The following CSMD1 variants were observed in gnomAD, a reference collection of about 807,000 sequenced individuals.
CSMD1 encodes CUB and sushi domain-containing protein 1.
Under a neutral mutation model 417.5 loss-of-function variants are expected in CSMD1, and 213 were observed. The observed-to-expected ratio is 0.51, with a 90% CI of 0.46 to 0.57. The LOEUF is 0.57. Ranked by LOEUF, CSMD1 falls within the 20% of genes least tolerant of loss-of-function variation. CSMD1 has a pLI of 0.00. For synonymous variants in CSMD1, 2,862 were observed against 1,736.8 expected, an observed-to-expected ratio of 1.65 and a Z score of -16.11; for missense variants, 6,923 against 4,529.7, an observed-to-expected ratio of 1.53 and a Z score of -15.17.
intron 50 of CSMD1, among the ~76,000 whole-genome samples, chr8:3,036,757 C>T (rs1429713073): frequency 6.6e-6 from 1 of 151,848 alleles, no homozygotes; most frequent in Non-Finnish European, 1.5e-5. Flanking sequence ...TTCAACAATC[C>T]TCTCTTAAAA....
At chr8:4,219,456 C>G (rs1349056827) in intron 3 of CSMD1, among the ~76,000 whole-genome samples, 2 of 152,192 alleles carry the variant, frequency 1.3e-5, no homozygotes, top group Non-Finnish European at 2.9e-5. Flanking sequence ...ACCCGAACCT[C>G]TCTCTTGAAC....
chr8:4,314,639 A>G (rs1296959012), intron 3 of CSMD1, among the ~76,000 whole-genome samples: 5 of 152,074 alleles, frequency 3.3e-5, no homozygotes, highest in Non-Finnish European at 7.4e-5. Context: ...AAGCAATGTA[A>G]TGTACTATTA....
chr8:4,468,876 G>C (rs1041623871), intron 2 of CSMD1, among the ~76,000 whole-genome samples: 1 of 152,130 alleles, frequency 6.6e-6, no homozygotes, highest in Middle Eastern at 3.2e-3. Flanking sequence ...CTTGAACACT[G>C]CAAGGAATTT....
chr8:4,042,855 C>T (rs980000119), intron 3 of CSMD1, among the ~76,000 whole-genome samples: 12 of 83,934 alleles, frequency 1.4e-4, no homozygotes, highest in African/African-American at 3.9e-4. Context: ...AGGCTGGGCA[C>T]GGTGGCTCAT....
At chr8:3,848,025 A>T (rs1463968014) in intron 5 of CSMD1, among the ~76,000 whole-genome samples, 2 of 151,452 alleles carry the variant, frequency 1.3e-5, no homozygotes, top group Admixed American at 1.3e-4. Flanking sequence ...CTTTCCTGAC[A>T]CATGTTTTTA....
intron 20 of CSMD1, among the ~76,000 whole-genome samples, chr8:3,362,438 A>G (rs536696210): frequency 6.6e-6 from 1 of 152,244 alleles, no homozygotes; most frequent in Admixed American, 6.5e-5. Flanking sequence ...ATACAGTTGA[A>G]TGCTCTCTTT....
intron 1 of CSMD1, among the ~76,000 whole-genome samples, chr8:4,835,028 T>C (rs74299171): frequency 1.5e-5 from 2 of 134,992 alleles, no homozygotes; most frequent in Middle Eastern, 4.3e-3. Context: ...ATCACAGTAT[T>C]GGGGGAACAA....
At chr8:4,456,831 T>G (rs1346350588) in intron 2 of CSMD1, among the ~76,000 whole-genome samples, 2 of 152,070 alleles carry the variant, frequency 1.3e-5, no homozygotes, top group African/African-American at 4.8e-5. Context: ...AGTGGGTACC[T>G]GCAGGACCCA....
chr8:4,938,501 G>A (rs1052481286), intron 1 of CSMD1, among the ~76,000 whole-genome samples: 1 of 152,124 alleles, frequency 6.6e-6, no homozygotes, highest in Non-Finnish European at 1.5e-5. Context: ...CTGATCGATG[G>A]TATAGACACC....
At chr8:3,812,620 A>G (rs1205893749) in intron 5 of CSMD1, among the ~76,000 whole-genome samples, 1 of 152,180 alleles carries the variant, frequency 6.6e-6, no homozygotes, top group African/African-American at 2.4e-5. Context: ...TGGAAAATAC[A>G]TTGACTGACA....
At chr8:3,844,682 G>A (rs554834353) in intron 5 of CSMD1, among the ~76,000 whole-genome samples, 29 of 152,216 alleles carry the variant, frequency 1.9e-4, no homozygotes, top group Admixed American at 1.0e-3. Context: ...CATCATTGTC[G>A]GGAACTGCAG....
intron 3 of CSMD1, among the ~76,000 whole-genome samples, chr8:4,064,942 C>A (rs1011563364): frequency 1.3e-5 from 2 of 150,942 alleles, no homozygotes; most frequent in African/African-American, 2.4e-5. Flanking sequence ...AAAAAAAAAC[C>A]TTACCTCTAG....
chr8:3,062,284 G>A (rs1174902728), intron 49 of CSMD1, among the ~76,000 whole-genome samples: 1 of 152,060 alleles, frequency 6.6e-6, no homozygotes, highest in Admixed American at 6.5e-5. Context: ...TGAAGGCTGA[G>A]ATAGAAAATA....
At chr8:3,802,348 A>G (rs182457792) in intron 5 of CSMD1, among the ~76,000 whole-genome samples, 4 of 152,176 alleles carry the variant, frequency 2.6e-5, no homozygotes, top group Admixed American at 2.6e-4. Flanking sequence ...ATACATCTGT[A>G]TATGTGTGCA....
chr8:3,548,242 C>A (rs919144843), intron 10 of CSMD1, among the ~76,000 whole-genome samples: 3 of 152,170 alleles, frequency 2.0e-5, no homozygotes, highest in African/African-American at 7.2e-5. Flanking sequence ...GTGCCCAGTT[C>A]TGCCCTTCCT....
rs1173229443 is a variant in CSMD1 at position 3,932,684 on chromosome 8, T to A, written c.818+65219A>T. 1.3e-5 allele frequency among the ~76,000 whole-genome samples: 2 copies of A among 150,584 alleles called. 1 individual carries two copies. The highest frequency in any genetic ancestry group is 4.9e-5 in the African/African-American group (2 of 40,792). On this transcript the variant is annotated intron_variant, in intron 5 of 69. Transcript: ENST00000635120. ...TCAAAAAGCCGGTCCAATAAACTCA[T>A]AAGATCGTAATTCATTGTGGTGGAC...
At chr8:4,469,881 T>A (rs965316068) in intron 2 of CSMD1, among the ~76,000 whole-genome samples, 3 of 151,460 alleles carry the variant, frequency 2.0e-5, no homozygotes, top group African/African-American at 4.9e-5. Context: ...TTTTTTTTTT[T>A]ATTTGAGACG....
chr8:4,279,720 G>A (rs1028271814), intron 3 of CSMD1, among the ~76,000 whole-genome samples: 1 of 152,068 alleles, frequency 6.6e-6, no homozygotes, highest in South Asian at 2.1e-4. Flanking sequence ...GTCATTCATT[G>A]CAATTTTCAA....
intron 5 of CSMD1, among the ~76,000 whole-genome samples, chr8:3,803,289 G>A (rs1221098414): frequency 3.9e-5 from 6 of 152,254 alleles, no homozygotes; most frequent in East Asian, 1.9e-4. Flanking sequence ...TAAAGTTGAC[G>A]GTTTAGCAGC....
Sources: gnomAD v4.1 joint callset for allele counts (sites outside exome capture counted in the v4.1 genomes callset) on GRCh38, gnomAD v4.1.1 for gene constraint, MANE v1.5 for transcripts, NCBI Gene and HGNC (gene_info 2026-07-23, HGNC 2026-07-21) for gene names.